Variants in STPG4 observed in about 807,000 individuals in gnomAD.
STPG4 encodes sperm-tail PG-rich repeat containing 4.
Under a neutral mutation model 31.5 loss-of-function variants are expected in STPG4, and 41 were observed. That is an observed-to-expected ratio of 1.30 (90% CI 1.01 to 1.69). STPG4 has a LOEUF of 1.69. Ranked by LOEUF, STPG4 falls within the 40% of genes most tolerant of loss-of-function variation. STPG4 has a pLI of 0.00. For synonymous variants in STPG4, 141 were observed against 103.0 expected (o/e 1.37, Z -2.24); for missense variants, 375 against 293.4 (o/e 1.28, Z -2.03).
intron 5 of STPG4, among the ~76,000 whole-genome samples, chr2:47,117,925 TATA>T (rs1296546601): frequency 4.5e-5 from 4 of 88,730 alleles, no homozygotes; most frequent in Non-Finnish European, 9.2e-5. Context: ...CATATATATA[TATA>T]TATTTTTTTT....
chr2:47,111,019 G>A (rs1477484617), intron 5 of STPG4, among the ~76,000 whole-genome samples: 1 of 152,124 alleles, frequency 6.6e-6, no homozygotes, highest in Non-Finnish European at 1.5e-5. Flanking sequence ...TCTTTGTATA[G>A]GTGAATATTT....
chr2:47,107,595 T>G (rs1210228521), intron 5 of STPG4, among the ~76,000 whole-genome samples: 2 of 152,086 alleles, frequency 1.3e-5, no homozygotes, highest in African/African-American at 4.8e-5. Flanking sequence ...AGCCCCAGCC[T>G]CCCTGATGAG....
At chr2:47,087,943 T>C (rs916948280) in intron 6 of STPG4, among the ~76,000 whole-genome samples, 1 of 151,710 alleles carries the variant, frequency 6.6e-6, no homozygotes, top group African/African-American at 2.4e-5. Context: ...TTAGTAGAGA[T>C]GGGGTTTCAC....
At chr2:47,149,944 C>G (rs1305408883) in intron 3 of STPG4, among the ~76,000 whole-genome samples, 1 of 152,158 alleles carries the variant, frequency 6.6e-6, no homozygotes, top group Non-Finnish European at 1.5e-5. Context: ...GCCCCTCATT[C>G]AAGGCGAGGG....
In STPG4 at chr2:47,096,790, A is replaced by G. The variant is rs146947247; in HGVS notation, c.520-6416T>C. 7.2e-4 allele frequency among the ~76,000 whole-genome samples: 109 copies of G among 152,364 alleles called. 3 individuals are homozygous for G. In the South Asian group the frequency reaches 8.1e-3, roughly 11 times the overall value. On this transcript the variant is annotated intron_variant, in intron 5 of 6. Transcript: ENST00000445927. ...TAGGATCATTGACTTCAGGGTGCCT[A>G]CAATCTAGTTGTGAAGACAAGGACA...
chr2:47,144,972 C>T lies in STPG4; in HGVS notation c.399+6286G>A, dbSNP rs546354525. Among the ~76,000 whole-genome samples, 67 of 152,310 alleles carry T rather than the reference C, an allele frequency of 4.4e-4. 1 individual carries two copies. In the South Asian group the frequency reaches 6.4e-3, roughly 15 times the overall value. On this transcript the variant is annotated intron_variant, in intron 3 of 6. Transcript: ENST00000445927. ...GTCTTGATCTCTTGACCTCGTGATC[C>T]GCCCGCCTTGGCCTCCCAAAGTGCT...
chr2:47,146,260 G>C (rs183054308), intron 3 of STPG4, among the ~76,000 whole-genome samples: 1 of 152,266 alleles, frequency 6.6e-6, no homozygotes, highest in Admixed American at 6.5e-5. Context: ...AGACATTTTT[G>C]GTTGTTACAA....
At chr2:47,151,112 G>T in intron 3 of STPG4, 146 bp downstream of exon 3, 1 of 1,048,364 alleles carries the variant, frequency 9.5e-7, no homozygotes, top group Non-Finnish European at 1.4e-6. Flanking sequence ...AAATCAGGCA[G>T]TCCTTGTTTG....
chr2:47,106,715 A>T (rs1685919141), intron 5 of STPG4, among the ~76,000 whole-genome samples: 1 of 151,912 alleles, frequency 6.6e-6, no homozygotes, highest in Non-Finnish European at 1.5e-5. Flanking sequence ...GAAATCAGAC[A>T]ATGCCTTTCA....
At chr2:47,089,200 G>A (rs948007085) in intron 6 of STPG4, among the ~76,000 whole-genome samples, 39 of 152,338 alleles carry the variant, frequency 2.6e-4, no homozygotes, top group African/African-American at 7.2e-4. Context: ...GCCTGACCCC[G>A]TGGGCTCCGA....
Position 47,102,987 on chromosome 2 carries a change from A to C in STPG4, c.520-12613T>G, listed in dbSNP as rs557177643. Among the ~76,000 whole-genome samples the C allele has an allele frequency of 2.8e-4, 43 of 152,020 alleles. 1 individual carries two copies. The highest frequency in any genetic ancestry group is 9.9e-4 in the African/African-American group (41 of 41,350). On this transcript the variant is annotated intron_variant, in intron 5 of 6. Transcript: ENST00000445927. ...CAAACCCTGGCCTGTAATGAAAAGA[A>C]TGCAGCTTTAGCTGCAGCCCGAGAG...
intron 5 of STPG4, among the ~76,000 whole-genome samples, chr2:47,118,836 G>A (rs867953556): frequency 6.6e-6 from 1 of 152,146 alleles, no homozygotes; most frequent in Non-Finnish European, 1.5e-5. Context: ...CTAAACGGGT[G>A]GTAGTCAAGA....
At position 47,155,284 on chromosome 2, in the gene STPG4, G is replaced by A. The variant is rs529825368; in HGVS notation, c.-33C>T. 1 of 1,610,786 alleles carries A rather than the reference G, an allele frequency of 6.2e-7. No individual in the cohort carries two copies. Among genetic ancestry groups the A allele is most frequent in the African/African-American group, 1.3e-5 (1 of 74,980 alleles). ...TCCTCTCTCTCTAGGCTGAACCTGA[G>A]CTCCGGTTGCTAGGAGGCGGGTGTG... On this transcript the variant is annotated 5_prime_UTR_variant, in exon 1 of 7. Transcript: ENST00000445927.
At chr2:47,131,716 G>A (rs1045681973) in intron 3 of STPG4, among the ~76,000 whole-genome samples, 1 of 152,192 alleles carries the variant, frequency 6.6e-6, no homozygotes, top group African/African-American at 2.4e-5. Context: ...AGAAAGGCAG[G>A]ACTTCCTCAA....
intron 5 of STPG4, among the ~76,000 whole-genome samples, chr2:47,117,289 A>C (rs1309133238): frequency 6.6e-6 from 1 of 152,170 alleles, no homozygotes; most frequent in African/African-American, 2.4e-5. Flanking sequence ...AGCTCACTGC[A>C]ACCTCCTCCT....
At position 47,155,256 on chromosome 2, in the gene STPG4, G is replaced by T; in HGVS notation, c.-5C>A. The T allele has an allele frequency of 6.2e-7, 1 of 1,614,050 alleles. No homozygotes were observed. The highest frequency in any genetic ancestry group is 8.5e-7 in the Non-Finnish European group (1 of 1,179,928). On this transcript the variant is annotated 5_prime_UTR_variant, in exon 1 of 7. Coordinates refer to ENST00000445927, the MANE Select transcript of STPG4 (RefSeq NM_001163561.2). ...GGCGACGGCTGGCTGGTCCATGGTG[G>T]CCTCCTCTCTCTCTAGGCTGAACCT...
At chr2:47,089,899 A>G (rs1027581613) in intron 6 of STPG4, among the ~76,000 whole-genome samples, 2 of 152,226 alleles carry the variant, frequency 1.3e-5, no homozygotes, top group Non-Finnish European at 2.9e-5. Context: ...TTGGGCTCCC[A>G]GAAGCCACAC....
intron 3 of STPG4, among the ~76,000 whole-genome samples, chr2:47,140,242 G>A (rs1686675491): frequency 6.6e-6 from 1 of 152,134 alleles, no homozygotes; most frequent in Non-Finnish European, 1.5e-5. Flanking sequence ...CTTCCCTCAG[G>A]TCAGTTAGGT....
At chr2:47,145,337 C>T (rs1036416256) in intron 3 of STPG4, among the ~76,000 whole-genome samples, 39 of 152,208 alleles carry the variant, frequency 2.6e-4, no homozygotes, top group African/African-American at 9.2e-4. Flanking sequence ...TCCCACCTCA[C>T]TCCACTGCCA....
Sources: gnomAD v4.1 joint callset for allele counts (sites outside exome capture counted in the v4.1 genomes callset) on GRCh38, gnomAD v4.1.1 for gene constraint, MANE v1.5 for transcripts, NCBI Gene and HGNC (gene_info 2026-07-23, HGNC 2026-07-21) for gene names.